Variants in FAM3D observed in about 807,000 individuals in gnomAD.
FAM3D encodes protein FAM3D.
FAM3D carries 26 observed loss-of-function variants against 29.8 expected under a neutral mutation model. The observed-to-expected ratio is 0.87, with a 90% CI of 0.64 to 1.21. The LOEUF (loss-of-function observed/expected upper bound fraction) is 1.21, where lower values mean the gene tolerates loss of function less well. FAM3D is among the 50% of genes most tolerant of loss of function. The pLI is 0.00. For missense variants in FAM3D, 253 were observed against 290.9 expected, an observed-to-expected ratio of 0.87 and a Z score of 0.95; for synonymous variants, 115 against 102.3, an observed-to-expected ratio of 1.12 and a Z score of -0.75.
intron 1 of FAM3D, among the ~76,000 whole-genome samples, chr3:58,662,848 T>C (rs2066958115): frequency 6.6e-6 from 1 of 152,214 alleles, no homozygotes; most frequent in African/African-American, 2.4e-5. Flanking sequence ...GTTGCAGAGA[T>C]GGGGTCAGAC....
At chr3:58,662,147 G>C (rs4681891) in intron 1 of FAM3D, among the ~76,000 whole-genome samples, 121,404 of 151,940 alleles carry the variant, frequency 0.8, 49,851 homozygotes, top group Non-Finnish European at 0.9. Flanking sequence ...GGTGGGGCTG[G>C]GTGGAGTATC....
At chr3:58,664,509 C>A (rs56292712) in intron 1 of FAM3D, among the ~76,000 whole-genome samples, 1 of 152,150 alleles carries the variant, frequency 6.6e-6, no homozygotes, top group Non-Finnish European at 1.5e-5. Flanking sequence ...GCACCTACTA[C>A]GTGGCAAGCA....
chr3:58,661,123 C>T (rs1436713249), intron 1 of FAM3D, among the ~76,000 whole-genome samples: 4 of 152,180 alleles, frequency 2.6e-5, no homozygotes, highest in Non-Finnish European at 4.4e-5. Context: ...AACTGTGTTC[C>T]AATAAAACTT....
At chr3:58,650,741 A>G (rs968680340) in intron 3 of FAM3D, among the ~76,000 whole-genome samples, 1 of 152,030 alleles carries the variant, frequency 6.6e-6, no homozygotes, top group Non-Finnish European at 1.5e-5. Context: ...TTTTTGAGAC[A>G]GAGTCTCGCT....
intron 1 of FAM3D, 147 bp downstream of exon 1, chr3:58,666,429 G>A (rs2067033180): frequency 6.6e-6 from 1 of 152,142 alleles, no homozygotes; most frequent in Non-Finnish European, 1.5e-5. Context: ...GAATCTCTTC[G>A]ATTATGTGGT....
At chr3:58,640,315 C>T (rs529231087) in intron 6 of FAM3D, 138 bp from the exon 7 acceptor site, 45 of 962,458 alleles carry the variant, frequency 4.7e-5, no homozygotes, top group East Asian at 4.2e-4. Flanking sequence ...ATAAAGAGCA[C>T]GCAGGACTAA....
chr3:58,639,967 A>G (rs2066281668), intron 7 of FAM3D, among the ~76,000 whole-genome samples, 160 bp downstream of exon 7: 1 of 152,166 alleles, frequency 6.6e-6, no homozygotes, highest in Admixed American at 6.5e-5. Flanking sequence ...TTTCGAAAGC[A>G]GCAGGACACC....
chr3:58,647,897 T>G (rs1037297134), intron 4 of FAM3D, among the ~76,000 whole-genome samples: 2 of 152,230 alleles, frequency 1.3e-5, no homozygotes, highest in Non-Finnish European at 2.9e-5. Context: ...TTGCCAGAAA[T>G]TGCTCCCTTT....
At position 58,640,283 on chromosome 3, in the gene FAM3D, G is replaced by A. The variant is rs1031347402; in HGVS notation, c.323-106C>T. Reference sequence around the variant, plus strand: ...AGTCTAAGATCTAAAAACAGAATAAGAATCTAATGAAATCAGGTCCTATAA... The same window carrying A: ...AGTCTAAGATCTAAAAACAGAATAAAAATCTAATGAAATCAGGTCCTATAA... On this transcript the variant is annotated intron_variant, in intron 6 of 9. Coordinates refer to ENST00000358781, the MANE Select transcript of FAM3D (RefSeq NM_138805.3). The A allele has an allele frequency of 2.7e-5, 35 of 1,295,114 alleles. No homozygotes were observed. The African/African-American group carries it at 4.7e-4, about 17-fold the overall frequency. The allele number at this position is 1,295,114 out of a possible 1,614,324, so 80.2% of individuals were successfully genotyped here. A position where few individuals can be genotyped will look rare whatever the true frequency, so the allele number is the denominator to read the frequency against.
chr3:58,665,431 C>A (rs147948974), intron 1 of FAM3D, among the ~76,000 whole-genome samples: 1 of 152,164 alleles, frequency 6.6e-6, no homozygotes, highest in East Asian at 1.9e-4. Context: ...GAGAAGTCTG[C>A]CCTGACTCCC....
intron 7 of FAM3D, 144 bp from the exon 8 acceptor site, chr3:58,637,369 C>T (rs911991403): frequency 7.1e-6 from 5 of 700,486 alleles, no homozygotes; most frequent in Non-Finnish European, 1.2e-5. Flanking sequence ...GAAGAGCATC[C>T]CAGGTGGAGC....
intron 1 of FAM3D, among the ~76,000 whole-genome samples, chr3:58,661,977 T>C (rs1275533819): frequency 6.6e-6 from 1 of 152,180 alleles, no homozygotes; most frequent in African/African-American, 2.4e-5. Flanking sequence ...TGGACAGACA[T>C]TCAGCCCCTT....
chr3:58,655,464 G>A, intron 2 of FAM3D, 87 bp downstream of exon 2: 1 of 1,565,350 alleles, frequency 6.4e-7, no homozygotes, highest in Non-Finnish European at 8.7e-7. Flanking sequence ...GACCATTTGA[G>A]AACAGATACA....
In FAM3D at chr3:58,634,985, G is replaced by A. The variant is rs1043772674; in HGVS notation, c.586-617C>T. On this transcript the variant is annotated intron_variant, in intron 9 of 9. Transcript: ENST00000358781. The surrounding 1 kb of genome is among the most constrained non-coding windows in gnomAD (Gnocchi z 4.6). ...GAGGCCAGGAGTTCAAGACCAGCCT[G>A]GGCAACATGGGAGACCCTGTCTCTA... Among the ~76,000 whole-genome samples, 2 of 152,252 alleles carry A rather than the reference G, an allele frequency of 1.3e-5. No homozygotes were observed. Among genetic ancestry groups the A allele is most frequent in the African/African-American group, 4.8e-5 (2 of 41,534 alleles).
chr3:58,645,482 A>AAAAT (rs3217534), intron 5 of FAM3D, 27 bp downstream of exon 5: 4 of 1,483,168 alleles, frequency 2.7e-6, no homozygotes, highest in South Asian at 2.7e-5. Flanking sequence ...AAAATAAAAT[A>AAAAT]AACATAGTTG....
intron 6 of FAM3D, 98 bp downstream of exon 6, chr3:58,643,564 G>A: frequency 4.6e-6 from 6 of 1,292,508 alleles, no homozygotes; most frequent in African/African-American, 1.5e-5. Flanking sequence ...CTGCCATGAG[G>A]TAGGAGCTGA....
At chr3:58,662,257 G>A (rs975671342) in intron 1 of FAM3D, among the ~76,000 whole-genome samples, 1 of 152,164 alleles carries the variant, frequency 6.6e-6, no homozygotes, top group Non-Finnish European at 1.5e-5. Flanking sequence ...CCCGCCCAGT[G>A]GGTAATTTAT....
chr3:58,643,816 G>A (rs866984921), intron 5 of FAM3D, 96 bp from the exon 6 acceptor site: 1 of 1,097,566 alleles, frequency 9.1e-7, no homozygotes, highest in Middle Eastern at 2.2e-4. Context: ...ACCCACATAA[G>A]CAATGCAGAA....
chr3:58,636,471 C>A, intron 8 of FAM3D, 51 bp from the exon 9 acceptor site: 1 of 1,601,646 alleles, frequency 6.2e-7, no homozygotes, highest in Non-Finnish European at 8.5e-7. Context: ...GTCGCAGGGG[C>A]ATCAGGTGGT....
Sources: allele counts gnomAD v4.1 joint callset (sites outside exome capture counted in the v4.1 genomes callset), GRCh38; gene constraint gnomAD v4.1.1; non-coding constraint Gnocchi (gnomAD v3.1); transcripts MANE v1.5; gene names NCBI Gene and HGNC (gene_info 2026-07-23, HGNC 2026-07-21).